Variants in AGMO observed in about 807,000 individuals in gnomAD.
AGMO encodes alkylglycerol monooxygenase, also known as glyceryl-ether monooxygenase.
A neutral mutation model predicts 60.2 loss-of-function variants in AGMO; 75 were observed. That is an observed-to-expected ratio of 1.25 (90% CI 1.03 to 1.51). AGMO has a LOEUF of 1.51. Among genes scored for constraint, AGMO ranks in the 40% most tolerant of loss-of-function variants. The pLI, the probability that AGMO is intolerant of heterozygous loss-of-function variation, is 0.00. For synonymous variants in AGMO, 261 were observed against 177.1 expected, an observed-to-expected ratio of 1.47 and a Z score of -3.76; for missense variants, 763 against 525.5, an observed-to-expected ratio of 1.45 and a Z score of -4.42.
chr7:15,187,767 A>G, the AGMO span, among the ~76,000 whole-genome samples: 1 of 152,090 alleles, frequency 6.6e-6, no homozygotes, highest in South Asian at 2.1e-4. Context: ...ATGCAAGTAG[A>G]GGGGAGGAGA....
chr7:15,329,565 CAG>C (rs1781440971), intron 12 of AGMO, among the ~76,000 whole-genome samples: 1 of 152,148 alleles, frequency 6.6e-6, no homozygotes, highest in Admixed American at 6.5e-5. Context: ...TCTCTTCTAT[CAG>C]AGAGGAATAA....
chr7:15,360,933 G>A (rs1017373128), intron 12 of AGMO, among the ~76,000 whole-genome samples: 16 of 130,282 alleles, frequency 1.2e-4, no homozygotes, highest in African/African-American at 5.2e-4. Context: ...GAAAAAACCA[G>A]ATAAATTATA....
At chr7:15,168,328 A>AAAAT in the AGMO span, among the ~76,000 whole-genome samples, 12 of 152,340 alleles carry the variant, frequency 7.9e-5, no homozygotes, top group African/African-American at 2.4e-4. Context: ...AAGCAATGAA[A>AAAAT]AAATAAATAA....
At chr7:15,256,088 C>G (rs1259158873) in intron 12 of AGMO, among the ~76,000 whole-genome samples, 1 of 152,054 alleles carries the variant, frequency 6.6e-6, no homozygotes, top group Non-Finnish European at 1.5e-5. Context: ...GAGGTGCTGA[C>G]CAATGAGGGG....
rs1007442631 is a variant in AGMO, at chr7:15,325,276, A to G, written c.1263+40238T>C. Reference sequence around the variant, plus strand: ...ACTTGGAAGGCATTAAAGGCTAATAAATAGTATTCACTATATCAAATATGT... The same window carrying G: ...ACTTGGAAGGCATTAAAGGCTAATAGATAGTATTCACTATATCAAATATGT... On this transcript the variant is annotated intron_variant, in intron 12 of 12. Coordinates refer to ENST00000342526, the MANE Select transcript of AGMO (RefSeq NM_001004320.2). Among the ~76,000 whole-genome samples, 3 of 152,138 alleles carry G rather than the reference A, an allele frequency of 2.0e-5. No individual in the cohort carries two copies. The East Asian group carries it at 5.8e-4, about 29-fold the overall frequency.
chr7:15,165,579 G>A, the AGMO span, among the ~76,000 whole-genome samples: 3 of 152,042 alleles, frequency 2.0e-5, no homozygotes, highest in Non-Finnish European at 4.4e-5. Flanking sequence ...TATTTTAAAA[G>A]TCGAGAAAAA....
intron 12 of AGMO, chr7:15,306,556 C>G (rs760176199): frequency 1.3e-4 from 53 of 422,144 alleles, no homozygotes; most frequent in Non-Finnish European, 1.6e-4. Context: ...TCACTTATAA[C>G]AGAATATGAC....
At chr7:15,540,284 T>A (rs535113061) in intron 3 of AGMO, among the ~76,000 whole-genome samples, 2 of 152,272 alleles carry the variant, frequency 1.3e-5, no homozygotes, top group Non-Finnish European at 2.9e-5. Flanking sequence ...AGAAACTTAC[T>A]AAATAGAGTA....
chr7:15,202,552 G>T (rs1273232670), intron 12 of AGMO, among the ~76,000 whole-genome samples: 1 of 146,536 alleles, frequency 6.8e-6, no homozygotes, highest in Non-Finnish European at 1.5e-5. Flanking sequence ...GAACCTCCTG[G>T]ATCTTTCTAG....
chr7:15,186,456 AGAG>A, the AGMO span, among the ~76,000 whole-genome samples: 13 of 152,118 alleles, frequency 8.5e-5, no homozygotes, highest in African/African-American at 2.4e-4. Context: ...CTCTGGGTTA[AGAG>A]GAGGCCTGTA....
intron 12 of AGMO, among the ~76,000 whole-genome samples, chr7:15,270,860 C>G (rs1243707422): frequency 6.6e-6 from 1 of 151,234 alleles, no homozygotes; most frequent in Non-Finnish European, 1.5e-5. Context: ...AACAGTGGTA[C>G]AGTTTCATTC....
intron 12 of AGMO, among the ~76,000 whole-genome samples, chr7:15,228,241 T>C (rs915397962): frequency 2.0e-5 from 3 of 152,140 alleles, no homozygotes; most frequent in Admixed American, 6.6e-5. Flanking sequence ...AAAAAATCCA[T>C]CTTAAATTAA....
chr7:15,250,140 C>A (rs1231908719), intron 12 of AGMO, among the ~76,000 whole-genome samples: 1 of 152,020 alleles, frequency 6.6e-6, no homozygotes, highest in Non-Finnish European at 1.5e-5. Context: ...AGCTAAAACC[C>A]AAATTTCATA....
rs1051010784 is a variant in AGMO at position 15,418,525 on chromosome 7, T to C, written c.609+33A>G. On this transcript the variant is annotated intron_variant, in intron 5 of 12. Coordinates refer to ENST00000342526, the MANE Select transcript of AGMO (RefSeq NM_001004320.2). ...AGGACATTGCTTCAGGCTGTTTAGG[T>C]ATAAAACTTACAAAGATAAAAAAAA... is the stretch of plus-strand genomic sequence containing the variant. 10 of 1,329,456 alleles carry C rather than the reference T, an allele frequency of 7.5e-6. No homozygotes were observed. In the Admixed American group the frequency reaches 1.3e-4, roughly 17 times the overall value. The allele number at this position is 1,329,456 out of a possible 1,614,324, so 82.4% of individuals were successfully genotyped here.
chr7:15,482,137 A>G (rs1283741833), intron 3 of AGMO, among the ~76,000 whole-genome samples: 2 of 152,002 alleles, frequency 1.3e-5, no homozygotes, highest in Non-Finnish European at 2.9e-5. Flanking sequence ...AATGAAACAG[A>G]AAAAGAGAAA....
intron 12 of AGMO, among the ~76,000 whole-genome samples, chr7:15,230,542 T>A (rs1782229942): frequency 6.6e-6 from 1 of 152,178 alleles, no homozygotes; most frequent in Admixed American, 6.5e-5. Flanking sequence ...TCTGAAGATA[T>A]TTTCAGTAAA....
At chr7:15,453,981 T>C (rs1283519207) in intron 3 of AGMO, among the ~76,000 whole-genome samples, 1 of 148,214 alleles carries the variant, frequency 6.7e-6, no homozygotes, top group East Asian at 1.9e-4. Context: ...ATATATTATA[T>C]ACCTAATATA....
chr7:15,560,780 T>G lies in AGMO; in HGVS notation c.127-509A>C, dbSNP rs560175599. On this transcript the variant is annotated intron_variant, in intron 1 of 12. Transcript: ENST00000342526. ...AGAGAATATGGTAATTTTACATGTT[T>G]GCTTAAAACATGATTCAGATTTTAT... Among the ~76,000 whole-genome samples, 3 of 152,314 alleles carry G rather than the reference T, an allele frequency of 2.0e-5. No individual in the cohort carries two copies. In the South Asian group the frequency reaches 6.2e-4, roughly 32 times the overall value.
chr7:15,199,190 A>T (rs1201167669), downstream of AGMO, among the ~76,000 whole-genome samples: 1 of 152,140 alleles, frequency 6.6e-6, no homozygotes, highest in Non-Finnish European at 1.5e-5. Context: ...TTTGTATAGG[A>T]GGTGTCTGGA....
Sources: allele counts gnomAD v4.1 joint callset (sites outside exome capture counted in the v4.1 genomes callset), GRCh38; gene constraint gnomAD v4.1.1; transcripts MANE v1.5; gene names NCBI Gene and HGNC (gene_info 2026-07-23, HGNC 2026-07-21).